Variants in TRHDE observed in about 807,000 individuals in gnomAD.
The protein encoded by TRHDE is thyrotropin-releasing hormone-degrading ectoenzyme.
Under a neutral mutation model 125.7 loss-of-function variants are expected in TRHDE, and 72 were observed. That is an observed-to-expected ratio of 0.57 (90% CI 0.47 to 0.70). The LOEUF is 0.70. Ranked by LOEUF, TRHDE falls within the 30% of genes least tolerant of loss-of-function variation. The pLI is 0.00. For synonymous variants in TRHDE, 509 were observed against 509.1 expected (o/e 1.00, Z 0.00); for missense variants, 1,110 against 1,327.1 (o/e 0.84, Z 2.54).
chr12:72,273,555 A>T lies in TRHDE; in HGVS notation c.912A>T (p.Arg304Ser). 3 of 1,593,858 alleles carry T rather than the reference A, an allele frequency of 1.9e-6. No homozygotes were observed. The highest frequency in any genetic ancestry group is 2.6e-6 in the Non-Finnish European group (3 of 1,174,920). ...GCTCCTATGTGCTCCACGGGGAGAG[A>T]AGGTATGGAGGGAGGCGGTGCCCCG... ...FRSSYVLHGERRFLGVTQFSP... is the reference protein window; with the variant it reads ...FRSSYVLHGESRFLGVTQFSP... The change falls in exon 1 of 19, where the codon AGA becomes AGT. Residue 304 changes from arginine (R) to serine (S), a missense_variant and splice_region_variant. Physicochemically the swap from Arg to Ser is moderately radical, Grantham distance 110. This residue lies in a region of TRHDE where 252 missense variants were observed against 274.8 expected (regional missense o/e 0.92). Coordinates refer to ENST00000261180, the MANE Select transcript of TRHDE (RefSeq NM_013381.3). The surrounding 1 kb of genome is among the most constrained non-coding windows in gnomAD (Gnocchi z 5.3).
chr12:72,153,171 A>T (rs1265380881), intron 2 of TRHDE, among the ~76,000 whole-genome samples: 1 of 152,096 alleles, frequency 6.6e-6, no homozygotes, highest in Non-Finnish European at 1.5e-5. Flanking sequence ...TAGATTTTCT[A>T]GTTTATTTAC....
intron 6 of TRHDE, among the ~76,000 whole-genome samples, chr12:72,512,629 C>A: frequency 7.3e-6 from 1 of 137,294 alleles, no homozygotes. Context: ...TCATATATAT[C>A]ATATTATCAT....
At chr12:72,249,065 C>T (rs1878630829) in intron 2 of TRHDE, among the ~76,000 whole-genome samples, 1 of 151,812 alleles carries the variant, frequency 6.6e-6, no homozygotes, top group South Asian at 2.1e-4. Context: ...CATCCTAGCA[C>T]TAAATATAAA....
At position 72,205,168 on chromosome 12, in the gene TRHDE, C is replaced by A. The variant is rs149464081; in HGVS notation, n.279+99416C>A. Reference sequence around the variant, plus strand: ...TATTCCTCAAACAATCCATGAACTTCCACTTTGGGTCTTTGTTCATGCTTT... The same window carrying A: ...TATTCCTCAAACAATCCATGAACTTACACTTTGGGTCTTTGTTCATGCTTT... On this transcript the variant is annotated intron_variant and non_coding_transcript_variant, in intron 2 of 4. Coordinates refer to the TRHDE transcript ENST00000548156. 7.2e-4 allele frequency among the ~76,000 whole-genome samples: 109 copies of A among 152,274 alleles called. 1 individual carries two copies. In the East Asian group the frequency reaches 0.017, roughly 23 times the overall value.
At chr12:72,285,865 A>G (rs1273119024) in intron 1 of TRHDE, among the ~76,000 whole-genome samples, 2 of 152,208 alleles carry the variant, frequency 1.3e-5, no homozygotes, top group African/African-American at 2.4e-5. Context: ...ATTTGTAACC[A>G]TAAACCATGA....
intron 6 of TRHDE, among the ~76,000 whole-genome samples, chr12:72,533,884 C>A (rs1443881455): frequency 6.6e-6 from 1 of 152,002 alleles, no homozygotes; most frequent in Non-Finnish European, 1.5e-5. Flanking sequence ...TATCTGTGAT[C>A]CTCTTTGAAT....
chr12:72,340,457 T>G (rs1301545323), intron 2 of TRHDE, among the ~76,000 whole-genome samples: 1 of 152,174 alleles, frequency 6.6e-6, no homozygotes, highest in Non-Finnish European at 1.5e-5. Flanking sequence ...CAGATTAGAT[T>G]TAGCTGCATA....
chr12:72,612,821 A>G (rs1017394045), intron 12 of TRHDE, among the ~76,000 whole-genome samples: 9 of 152,178 alleles, frequency 5.9e-5, no homozygotes, highest in Admixed American at 5.2e-4. Context: ...ACTGACATCT[A>G]TTAATTCTCG....
intron 2 of TRHDE, among the ~76,000 whole-genome samples, chr12:72,202,888 CT>C (rs1224578177): frequency 9.2e-5 from 14 of 151,716 alleles, no homozygotes; most frequent in Non-Finnish European, 1.6e-4. Context: ...CCATTTGGTT[CT>C]TTTTTTATGT....
intron 5 of TRHDE, among the ~76,000 whole-genome samples, chr12:72,489,912 A>T (rs1219703541): frequency 6.6e-6 from 1 of 151,840 alleles, no homozygotes; most frequent in Non-Finnish European, 1.5e-5. Flanking sequence ...TAGGGGAAAA[A>T]CTCTTGGACA....
Position 72,499,608 on chromosome 12 carries a change from G to A in TRHDE, c.1695G>A (p.Arg565=), listed in dbSNP as rs531142416. The stretch of plus-strand genomic sequence containing the variant: ...TGCTGCAGGCAACAGATATTGACAG[G>A]GTGTTTGACTGGATCGCATATAAAA... ...QEVLQATDID[R]VFDWIAYKKG... The change falls in exon 6 of 19, where the codon AGG becomes AGA. Residue 565 remains arginine, a synonymous_variant. Transcript: ENST00000261180. 3 of 1,613,528 alleles carry A rather than the reference G, an allele frequency of 1.9e-6. No individual in the cohort carries two copies. The highest frequency in any genetic ancestry group is 1.1e-5 in the South Asian group (1 of 91,054).
At chr12:72,610,465 C>T (rs904272407) in intron 12 of TRHDE, among the ~76,000 whole-genome samples, 1 of 152,216 alleles carries the variant, frequency 6.6e-6, no homozygotes, top group African/African-American at 2.4e-5. Flanking sequence ...TCCGTAGCAG[C>T]CAGAGTCACC....
At chr12:72,638,831 C>G (rs1214973814) in intron 15 of TRHDE, among the ~76,000 whole-genome samples, 1 of 152,106 alleles carries the variant, frequency 6.6e-6, no homozygotes, top group African/African-American at 2.4e-5. Context: ...TGAATATTGG[C>G]CCCCTCTCTC....
chr12:72,238,364 C>T (rs10879378), intron 2 of TRHDE, among the ~76,000 whole-genome samples: 20 of 57,326 alleles, frequency 3.5e-4, no homozygotes, highest in East Asian at 7.4e-4. Flanking sequence ...TATATATATA[C>T]ACATACATAT....
chr12:72,474,327 A>G (rs1876789876), intron 5 of TRHDE, among the ~76,000 whole-genome samples: 1 of 152,124 alleles, frequency 6.6e-6, no homozygotes, highest in Non-Finnish European at 1.5e-5. Flanking sequence ...CAGGTGTGTG[A>G]TGCAGAATTA....
At chr12:72,307,003 G>A (rs565038660) in intron 2 of TRHDE, among the ~76,000 whole-genome samples, 2 of 152,236 alleles carry the variant, frequency 1.3e-5, no homozygotes, top group Admixed American at 6.5e-5. Context: ...AAAGGCATTA[G>A]GAGGAAGAGT....
intron 3 of TRHDE, among the ~76,000 whole-genome samples, chr12:72,440,980 A>C (rs1463930720): frequency 6.6e-6 from 1 of 151,918 alleles, no homozygotes; most frequent in Non-Finnish European, 1.5e-5. Flanking sequence ...CACACTTGGC[A>C]ATTTTTTGGA....
chr12:72,624,573 G>C (rs1212924572), intron 15 of TRHDE, among the ~76,000 whole-genome samples: 1 of 151,914 alleles, frequency 6.6e-6, no homozygotes, highest in African/African-American at 2.4e-5. Context: ...TGTGAAAGGT[G>C]CTGCAAGGAG....
chr12:72,648,729 T>A (rs1592595642), intron 15 of TRHDE, among the ~76,000 whole-genome samples: 1 of 152,012 alleles, frequency 6.6e-6, no homozygotes, highest in East Asian at 1.9e-4. Flanking sequence ...GGAGGATCAC[T>A]TGAGGCCAAG....
Sources: allele counts gnomAD v4.1 joint callset (sites outside exome capture counted in the v4.1 genomes callset), GRCh38; gene constraint gnomAD v4.1.1; regional missense constraint gnomAD v4.1.1; non-coding constraint Gnocchi (gnomAD v3.1); transcripts MANE v1.5; gene names NCBI Gene and HGNC (gene_info 2026-07-23, HGNC 2026-07-21).